PRKCB: variants seen among roughly 807,000 people sequenced by gnomAD.
PRKCB encodes the protein protein kinase C beta type.
A neutral mutation model predicts 81.5 loss-of-function variants in PRKCB; 13 were observed. The observed-to-expected ratio is 0.16, with a 90% CI of 0.10 to 0.25. The LOEUF (loss-of-function observed/expected upper bound fraction) is 0.25. Among genes scored for constraint, PRKCB ranks in the 10% least tolerant of loss-of-function variants. The pLI, the probability that PRKCB is intolerant of heterozygous loss-of-function variation, is 1.00. For missense variants in PRKCB, 509 were observed against 875.7 expected (o/e 0.58, Z 5.29); for synonymous variants, 335 against 321.4 (o/e 1.04, Z -0.45).
At chr16:24,096,666 A>AAAAAAAATATATATATATATATAT (rs1406204037) in intron 7 of PRKCB, among the ~76,000 whole-genome samples, 1 of 32,710 alleles carries the variant, frequency 3.1e-5, no homozygotes, top group Non-Finnish European at 6.1e-5. Flanking sequence ...AAAAAAAAAA[A>AAAAAAAATATATATATATATATAT]ATATATATAT....
Position 24,213,060 on chromosome 16 carries a change from A to C in PRKCB, c.1864-1598A>C, listed in dbSNP as rs1968170998. Among the ~76,000 whole-genome samples, 4 of 149,920 alleles carry C rather than the reference A, an allele frequency of 2.7e-5. No individual in the cohort carries two copies. The South Asian group carries it at 6.4e-4, about 24-fold the overall frequency. ...TATTTATTTATTTATTTTGAGAGAGAGTCTCGCTCTGTCACCCAGGCTGGA... is the reference window on the plus strand; with the variant it reads ...TATTTATTTATTTATTTTGAGAGAGCGTCTCGCTCTGTCACCCAGGCTGGA... On this transcript the variant is annotated intron_variant, in intron 16 of 16. Coordinates refer to ENST00000643927, the MANE Select transcript of PRKCB (RefSeq NM_002738.7).
chr16:24,038,883 C>T (rs1407014801), intron 5 of PRKCB, among the ~76,000 whole-genome samples: 2 of 152,148 alleles, frequency 1.3e-5, no homozygotes, highest in Non-Finnish European at 2.9e-5. Context: ...GCTGTTCTGT[C>T]GTGTTCCAGG....
rs1967683180 is a variant in PRKCB at position 24,185,093 on chromosome 16, G to A, written c.1534-18G>A. ...ATGAACTGCAAACCTCCCTGATAGGGTGCCTTCTCTTTTCTAGATAATTGC... is the reference window on the plus strand; with the variant it reads ...ATGAACTGCAAACCTCCCTGATAGGATGCCTTCTCTTTTCTAGATAATTGC... On this transcript the variant is annotated intron_variant, in intron 13 of 16. Coordinates refer to ENST00000643927, the MANE Select transcript of PRKCB (RefSeq NM_002738.7). 6.2e-7 allele frequency: 1 copy of A among 1,609,842 alleles called. No homozygotes were observed. The highest frequency in any genetic ancestry group is 1.1e-5 in the South Asian group (1 of 90,954).
chr16:24,036,790 A>T (rs1222773940), intron 5 of PRKCB, among the ~76,000 whole-genome samples: 9 of 152,144 alleles, frequency 5.9e-5, no homozygotes, highest in African/African-American at 2.2e-4. Context: ...GTTCAAGGGA[A>T]GCCAGTTTTC....
chr16:23,983,278 C>T (rs111606893), intron 2 of PRKCB, among the ~76,000 whole-genome samples: 63 of 152,292 alleles, frequency 4.1e-4, no homozygotes, highest in African/African-American at 1.5e-3. Flanking sequence ...ATTTGCACAA[C>T]TTTTCAGAAA....
At chr16:23,863,236 A>C in intron 2 of PRKCB, among the ~76,000 whole-genome samples, 1 of 65,712 alleles carries the variant, frequency 1.5e-5, no homozygotes, top group African/African-American at 4.9e-5. Context: ...ATGTGTATAT[A>C]TATACATATA....
At chr16:23,941,020 GA>G (rs1964134938) in intron 2 of PRKCB, among the ~76,000 whole-genome samples, 1 of 152,172 alleles carries the variant, frequency 6.6e-6, no homozygotes, top group African/African-American at 2.4e-5. Context: ...GAAAGTCCAA[GA>G]AGACAGAAAT....
intron 5 of PRKCB, among the ~76,000 whole-genome samples, chr16:24,087,090 G>A (rs547783024): frequency 7.2e-5 from 11 of 152,090 alleles, no homozygotes; most frequent in Admixed American, 2.0e-4. Context: ...GTAAGTTGGG[G>A]TCATGGTTTC....
intron 5 of PRKCB, among the ~76,000 whole-genome samples, chr16:24,065,948 A>G (rs1567362185): frequency 6.6e-6 from 1 of 152,120 alleles, no homozygotes; most frequent in Non-Finnish European, 1.5e-5. Context: ...TTCTTCTTCC[A>G]TCATTTTTGT....
intron 2 of PRKCB, among the ~76,000 whole-genome samples, chr16:23,853,119 T>C (rs1372964024): frequency 6.6e-6 from 1 of 152,236 alleles, no homozygotes; most frequent in Admixed American, 6.5e-5. Flanking sequence ...CACAATAATT[T>C]AGCTCTGTAA....
intron 2 of PRKCB, among the ~76,000 whole-genome samples, chr16:23,898,832 T>G (rs998010681): frequency 6.6e-6 from 1 of 152,182 alleles, no homozygotes; most frequent in Non-Finnish European, 1.5e-5. Flanking sequence ...CTTAACTGTG[T>G]GGTTTTGATC....
chr16:24,068,327 C>A (rs1487858227), intron 5 of PRKCB, among the ~76,000 whole-genome samples: 2 of 152,106 alleles, frequency 1.3e-5, no homozygotes, highest in East Asian at 3.9e-4. Context: ...TATGATTTGG[C>A]CCCTCAAGTC....
At chr16:24,021,261 C>T (rs1468479490) in intron 3 of PRKCB, among the ~76,000 whole-genome samples, 1 of 116,648 alleles carries the variant, frequency 8.6e-6, no homozygotes, top group Non-Finnish European at 1.7e-5. Flanking sequence ...TTCCTTTCTT[C>T]CTTTCTTTTT....
intron 8 of PRKCB, among the ~76,000 whole-genome samples, chr16:24,113,314 C>A (rs141220902): frequency 6.7e-6 from 1 of 149,084 alleles, no homozygotes; most frequent in Admixed American, 6.6e-5. Context: ...TTCTTCCTTT[C>A]TGTCTTGCTT....
chr16:24,139,761 G>T (rs1966881862), intron 9 of PRKCB, among the ~76,000 whole-genome samples: 1 of 152,176 alleles, frequency 6.6e-6, no homozygotes, highest in Non-Finnish European at 1.5e-5. Flanking sequence ...TCTATAAAGA[G>T]ATTTTTAAAT....
At position 24,070,407 on chromosome 16, in the gene PRKCB, C is replaced by G. The variant is rs1437305915; in HGVS notation, c.530-22384C>G. 3.3e-5 allele frequency among the ~76,000 whole-genome samples: 5 copies of G among 152,122 alleles called. No homozygotes were observed. In the East Asian group the frequency reaches 9.6e-4, roughly 29 times the overall value. ...CAAGTGATTCGCCTGCCTCAGCCTC[C>G]CAAAATGCTGGAATTACAGGCATGA... On this transcript the variant is annotated intron_variant, in intron 5 of 16. Coordinates refer to ENST00000643927, the MANE Select transcript of PRKCB (RefSeq NM_002738.7).
chr16:23,995,922 A>T (rs1180609919), intron 3 of PRKCB, among the ~76,000 whole-genome samples: 3 of 151,816 alleles, frequency 2.0e-5, no homozygotes, highest in Admixed American at 2.0e-4. Context: ...CACTGTAGTC[A>T]CTTTAGGACA....
intron 2 of PRKCB, among the ~76,000 whole-genome samples, chr16:23,878,218 G>A (rs1963048589): frequency 6.6e-6 from 1 of 152,106 alleles, no homozygotes. Context: ...ATTGTTCCTA[G>A]GTGAAATACA....
intron 2 of PRKCB, among the ~76,000 whole-genome samples, chr16:23,927,025 C>A (rs186233041): frequency 6.6e-6 from 1 of 152,138 alleles, no homozygotes; most frequent in Admixed American, 6.5e-5. Context: ...ACACAACAGG[C>A]GTAGCCTCTG....
Sources: gnomAD v4.1 joint callset for allele counts (sites outside exome capture counted in the v4.1 genomes callset) on GRCh38, gnomAD v4.1.1 for gene constraint, MANE v1.5 for transcripts, NCBI Gene and HGNC (gene_info 2026-07-23, HGNC 2026-07-21) for gene names.